Variants in ASIC2 observed in about 807,000 individuals in gnomAD.
ASIC2 encodes the protein acid sensing ion channel subunit 2.
Under a neutral mutation model 57.3 loss-of-function variants are expected in ASIC2, and 25 were observed. The observed-to-expected ratio is 0.44, with a 90% CI of 0.32 to 0.61. The LOEUF (loss-of-function observed/expected upper bound fraction) is 0.61. Among genes scored for constraint, ASIC2 ranks in the 20% least tolerant of loss-of-function variants. The pLI is 0.06. For synonymous variants in ASIC2, 319 were observed against 307.5 expected (o/e 1.04, Z -0.39); for missense variants, 641 against 738.1 (o/e 0.87, Z 1.52).
chr17:33,756,193 G>A (rs115162851), intron 1 of ASIC2, among the ~76,000 whole-genome samples: 444 of 152,314 alleles, frequency 2.9e-3, no homozygotes, highest in African/African-American at 0.01. Context: ...CTGACCACAG[G>A]TCATCAATGT....
intron 1 of ASIC2, among the ~76,000 whole-genome samples, chr17:33,852,875 T>C (rs575991735): frequency 2.6e-4 from 39 of 152,280 alleles, no homozygotes; most frequent in African/African-American, 8.7e-4. Flanking sequence ...ACCTCCATGA[T>C]GCCATTCTGT....
intron 3 of ASIC2, among the ~76,000 whole-genome samples, chr17:33,063,418 T>C (rs916587122): frequency 2.2e-4 from 33 of 152,190 alleles, no homozygotes; most frequent in African/African-American, 6.8e-4. Context: ...CCTTCACTTA[T>C]GAAGCTTAGT....
intron 1 of ASIC2, among the ~76,000 whole-genome samples, chr17:33,373,349 A>T (rs1338687239): frequency 1.3e-5 from 2 of 152,266 alleles, no homozygotes; most frequent in African/African-American, 4.8e-5. Flanking sequence ...GTCCTTGGTC[A>T]TTCCTGGGCA....
chr17:33,962,493 C>T (rs112876584), intron 1 of ASIC2, among the ~76,000 whole-genome samples: 82 of 152,302 alleles, frequency 5.4e-4, no homozygotes, highest in African/African-American at 1.9e-3. Context: ...ACAGTGAATT[C>T]TGAAGCTATT....
chr17:33,755,746 G>A (rs1251864731), intron 1 of ASIC2, among the ~76,000 whole-genome samples: 1 of 152,210 alleles, frequency 6.6e-6, no homozygotes, highest in Non-Finnish European at 1.5e-5. Context: ...CGTGACGTAA[G>A]AGTGTGCAAA....
In ASIC2 at chr17:33,531,803, G is replaced by T. The variant is rs146109270; in HGVS notation, c.556-419736C>A. 1.6e-3 allele frequency among the ~76,000 whole-genome samples: 244 copies of T among 152,258 alleles called. 6 individuals carry two copies. In the East Asian group the frequency reaches 0.038, roughly 24 times the overall value. ...TAATCTGTCTCAAGTTTCTGATGGT[G>T]AGGTGCTCGAGGTTGGGAAGCGTTT... is the stretch of plus-strand genomic sequence containing the variant. On this transcript the variant is annotated intron_variant, in intron 1 of 9. Transcript: ENST00000359872.
chr17:33,886,296 GA>G (rs1914828234), intron 1 of ASIC2, among the ~76,000 whole-genome samples: 1 of 152,072 alleles, frequency 6.6e-6, no homozygotes, highest in South Asian at 2.1e-4. Flanking sequence ...GCCAAGGTAA[GA>G]CACACGACCC....
intron 1 of ASIC2, chr17:33,627,370 T>C (rs181369728): frequency 5.7e-4 from 87 of 152,402 alleles, no homozygotes; most frequent in African/African-American, 1.9e-3. Flanking sequence ...TTTATTCCTT[T>C]ATCTTTGATG....
intron 1 of ASIC2, among the ~76,000 whole-genome samples, chr17:33,663,084 C>A (rs1411737887): frequency 6.6e-6 from 1 of 152,178 alleles, no homozygotes. Flanking sequence ...GAACTCAATG[C>A]ACGAGAGACA....
intron 1 of ASIC2, among the ~76,000 whole-genome samples, chr17:33,524,879 C>A (rs1914842663): frequency 6.6e-6 from 1 of 152,104 alleles, no homozygotes; most frequent in African/African-American, 2.4e-5. Flanking sequence ...GGCTTCCTCC[C>A]AGATGTATTT....
chr17:33,856,227 A>G (rs917662393), intron 1 of ASIC2, among the ~76,000 whole-genome samples: 7 of 152,192 alleles, frequency 4.6e-5, no homozygotes, highest in Non-Finnish European at 8.8e-5. Flanking sequence ...TCTTAGTTTT[A>G]TCATCTGTAC....
At chr17:33,275,777 TTGTA>T (rs1178509061) in intron 1 of ASIC2, among the ~76,000 whole-genome samples, 1 of 152,172 alleles carries the variant, frequency 6.6e-6, no homozygotes, top group Non-Finnish European at 1.5e-5. Flanking sequence ...GCATCAGTGG[TTGTA>T]TGCAGCACAG....
intron 1 of ASIC2, among the ~76,000 whole-genome samples, chr17:33,808,410 T>G (rs1579474): frequency 6.6e-6 from 1 of 152,160 alleles, no homozygotes; most frequent in Non-Finnish European, 1.5e-5. Context: ...CAATACCACA[T>G]GTGTCTTAAT....
intron 1 of ASIC2, among the ~76,000 whole-genome samples, chr17:33,217,850 C>T (rs564731561): frequency 6.6e-5 from 10 of 152,314 alleles, no homozygotes; most frequent in Admixed American, 3.9e-4. Context: ...TCTTTCTCTG[C>T]GGAGACTTTT....
At chr17:34,132,708 A>C (rs1203979965) in intron 1 of ASIC2, among the ~76,000 whole-genome samples, 1 of 152,216 alleles carries the variant, frequency 6.6e-6, no homozygotes, top group Non-Finnish European at 1.5e-5. Flanking sequence ...CACGAAGTCC[A>C]GCTGGCTTCA....
chr17:33,789,578 C>G (rs1012319403), intron 1 of ASIC2, among the ~76,000 whole-genome samples: 3 of 152,088 alleles, frequency 2.0e-5, no homozygotes, highest in African/African-American at 7.2e-5. Context: ...AAAACCCTAG[C>G]ACTGATGTTG....
At chr17:33,850,724 G>T (rs952336874) in intron 1 of ASIC2, among the ~76,000 whole-genome samples, 1 of 152,120 alleles carries the variant, frequency 6.6e-6, no homozygotes, top group African/African-American at 2.4e-5. Context: ...GAATCTATCT[G>T]CTGTTTCAGG....
chr17:33,113,427 C>T (rs988691362), intron 1 of ASIC2, among the ~76,000 whole-genome samples: 4 of 152,182 alleles, frequency 2.6e-5, no homozygotes, highest in African/African-American at 9.7e-5. Context: ...TTACATCTGG[C>T]AAAATTGGCT....
chr17:33,152,433 C>A (rs1904838878), intron 1 of ASIC2, among the ~76,000 whole-genome samples: 1 of 152,112 alleles, frequency 6.6e-6, no homozygotes, highest in South Asian at 2.1e-4. Flanking sequence ...AAGGTGGAGG[C>A]CGGTCTGAGT....
Sources: allele counts gnomAD v4.1 joint callset (sites outside exome capture counted in the v4.1 genomes callset), GRCh38; gene constraint gnomAD v4.1.1; transcripts MANE v1.5; gene names NCBI Gene and HGNC (gene_info 2026-07-23, HGNC 2026-07-21).